Variants in GPR149 observed in about 807,000 individuals in gnomAD.
The protein encoded by GPR149 is G protein-coupled receptor 149, also known as probable G protein-coupled receptor 149.
A neutral mutation model predicts 50.2 loss-of-function variants in GPR149; 50 were observed. The observed-to-expected ratio is 1.00, with a 90% CI of 0.79 to 1.26. The LOEUF (loss-of-function observed/expected upper bound fraction) is 1.26, where lower values mean the gene tolerates loss of function less well. Among genes scored for constraint, GPR149 ranks in the 50% most tolerant of loss-of-function variants. The pLI, the probability that GPR149 is intolerant of heterozygous loss-of-function variation, is 0.00. For missense variants in GPR149, 983 were observed against 895.4 expected, an observed-to-expected ratio of 1.10 and a Z score of -1.25; for synonymous variants, 405 against 358.2, an observed-to-expected ratio of 1.13 and a Z score of -1.48.
At chr3:154,342,258 A>G (rs701143) in intron 3 of GPR149, among the ~76,000 whole-genome samples, 137,874 of 152,162 alleles carry the variant, frequency 0.91, 62,697 homozygotes, top group East Asian at 1. Flanking sequence ...AGTCTATATA[A>G]AACAAAGTTT....
chr3:154,412,077 A>G (rs1404775577), intron 3 of GPR149, among the ~76,000 whole-genome samples: 1 of 152,176 alleles, frequency 6.6e-6, no homozygotes, highest in African/African-American at 2.4e-5. Context: ...TACACCACAT[A>G]AACAGAATTA....
intron 3 of GPR149, among the ~76,000 whole-genome samples, chr3:154,379,360 C>G (rs1471695691): frequency 6.6e-6 from 1 of 151,380 alleles, no homozygotes; most frequent in Non-Finnish European, 1.5e-5. Context: ...TTTTGGAGCA[C>G]AAAGTTATTT....
intron 3 of GPR149, among the ~76,000 whole-genome samples, chr3:154,355,594 T>C (rs1714200650): frequency 6.6e-6 from 1 of 152,206 alleles, no homozygotes; most frequent in African/African-American, 2.4e-5. Flanking sequence ...TTATCCTTTA[T>C]TTCTGTTTTT....
intron 3 of GPR149, among the ~76,000 whole-genome samples, chr3:154,413,126 A>G (rs902756248): frequency 5.3e-5 from 8 of 152,100 alleles, no homozygotes; most frequent in African/African-American, 1.9e-4. Flanking sequence ...CTGGATCCTC[A>G]TCTTTCATCT....
intron 3 of GPR149, chr3:154,352,874 T>A (rs1363848876): frequency 4.3e-6 from 4 of 928,246 alleles, no homozygotes; most frequent in Non-Finnish European, 7.2e-6. Flanking sequence ...TAAAAACATA[T>A]ACAAATCCCT....
At chr3:154,353,174 C>T (rs770531494) in intron 3 of GPR149, 5 of 1,531,330 alleles carry the variant, frequency 3.3e-6, no homozygotes, top group Admixed American at 3.3e-5. Flanking sequence ...TCCCTTCAGA[C>T]CCACTGTAGA....
chr3:154,335,474 A>G lies in GPR149; in HGVS notation c.*2225T>C, dbSNP rs1261627823. Reference sequence around the variant, plus strand: ...CTTGGAGTTTGAAGTGTTACAGGTTAGTAATATGGTGCTGATTAGCCTTTC... The same window carrying G: ...CTTGGAGTTTGAAGTGTTACAGGTTGGTAATATGGTGCTGATTAGCCTTTC... On this transcript the variant is annotated 3_prime_UTR_variant, in exon 4 of 4. Transcript: ENST00000389740. 3.3e-5 allele frequency: 5 copies of G among 152,118 alleles called. No individual in the cohort carries two copies. Among genetic ancestry groups the G allele is most frequent in the Admixed American group, 6.5e-5 (1 of 15,280 alleles). The allele number at this position is 152,118 out of a possible 1,614,324, so 9.4% of individuals were successfully genotyped here. A position where few individuals can be genotyped will look rare whatever the true frequency, so the allele number is the denominator to read the frequency against.
chr3:154,411,877 C>T (rs563128616), intron 3 of GPR149, among the ~76,000 whole-genome samples: 1 of 152,064 alleles, frequency 6.6e-6, no homozygotes, highest in South Asian at 2.1e-4. Flanking sequence ...AATACCAATA[C>T]CAGGGAAGGA....
intron 3 of GPR149, among the ~76,000 whole-genome samples, chr3:154,357,708 C>T (rs888709746): frequency 2.9e-4 from 44 of 152,168 alleles, no homozygotes; most frequent in Admixed American, 9.2e-4. Context: ...TAAACTAGTT[C>T]GACCATTGTG....
At chr3:154,343,808 C>G (rs550365668) in intron 3 of GPR149, among the ~76,000 whole-genome samples, 8 of 152,114 alleles carry the variant, frequency 5.3e-5, no homozygotes, top group African/African-American at 1.9e-4. Flanking sequence ...GGGACCCTGT[C>G]TCTAAAAAAA....
chr3:154,402,319 A>G (rs1711566313), intron 3 of GPR149, among the ~76,000 whole-genome samples: 1 of 151,994 alleles, frequency 6.6e-6, no homozygotes, highest in African/African-American at 2.4e-5. Context: ...TACGAGGCTA[A>G]GGCAGGGGAT....
At chr3:154,358,147 G>T (rs1252446603) in intron 3 of GPR149, among the ~76,000 whole-genome samples, 4 of 152,166 alleles carry the variant, frequency 2.6e-5, no homozygotes, top group Admixed American at 2.0e-4. Context: ...TTGTGGGGTG[G>T]GGGGTGTGGG....
intron 3 of GPR149, among the ~76,000 whole-genome samples, chr3:154,383,097 A>C (rs1010532978): frequency 6.6e-6 from 1 of 152,180 alleles, no homozygotes; most frequent in Non-Finnish European, 1.5e-5. Flanking sequence ...GGGTGCTATA[A>C]TAAGCCTAGA....
chr3:154,356,506 C>T (rs1714228874), intron 3 of GPR149, among the ~76,000 whole-genome samples: 1 of 152,080 alleles, frequency 6.6e-6, no homozygotes, highest in Non-Finnish European at 1.5e-5. Flanking sequence ...AATCAATGTG[C>T]AAAAATCACA....
intron 3 of GPR149, chr3:154,353,899 A>G: frequency 1.8e-6 from 1 of 553,626 alleles, no homozygotes. Context: ...CAGTCTCTTC[A>G]GAAATACGGA....
At chr3:154,379,508 T>C (rs1447805822) in intron 3 of GPR149, among the ~76,000 whole-genome samples, 2 of 152,286 alleles carry the variant, frequency 1.3e-5, no homozygotes, top group Non-Finnish European at 2.9e-5. Flanking sequence ...ATCTAAGAAC[T>C]CTTTTCCTAA....
At chr3:154,427,235 G>A (rs1161728192) in intron 2 of GPR149, among the ~76,000 whole-genome samples, 1 of 151,872 alleles carries the variant, frequency 6.6e-6, no homozygotes, top group Non-Finnish European at 1.5e-5. Context: ...TGTTGACATG[G>A]TGTGCTGAAT....
intron 3 of GPR149, among the ~76,000 whole-genome samples, chr3:154,370,914 A>G (rs1315722018): frequency 6.6e-6 from 1 of 152,168 alleles, no homozygotes; most frequent in Admixed American, 6.5e-5. Flanking sequence ...GGAGGGACAT[A>G]TTAGCCAAAG....
chr3:154,361,510 T>C (rs1336680874), intron 3 of GPR149, among the ~76,000 whole-genome samples: 1 of 152,226 alleles, frequency 6.6e-6, no homozygotes, highest in Non-Finnish European at 1.5e-5. Flanking sequence ...TGGTTTTAAT[T>C]CACATTCATT....
Sources: gnomAD v4.1 joint callset for allele counts (sites outside exome capture counted in the v4.1 genomes callset) on GRCh38, gnomAD v4.1.1 for gene constraint, MANE v1.5 for transcripts, NCBI Gene and HGNC (gene_info 2026-07-23, HGNC 2026-07-21) for gene names.